Variants in LUZP2 observed in about 807,000 individuals in gnomAD.
The protein encoded by LUZP2 is leucine zipper protein 2.
Under a neutral mutation model 51.6 loss-of-function variants are expected in LUZP2, and 52 were observed. The ratio of observed to expected loss-of-function variants is 1.01; its 90% CI spans 0.81 to 1.27. LUZP2 has a LOEUF of 1.27. LUZP2 is among the 50% of genes most tolerant of loss of function. The probability of loss-of-function intolerance (pLI) is 0.00; values close to 1 mark genes in which losing one functional copy is unlikely to be tolerated. For synonymous variants in LUZP2, 154 were observed against 137.3 expected (o/e 1.12, Z -0.85); for missense variants, 436 against 395.4 (o/e 1.10, Z -0.87).
At chr11:24,537,187 A>G (rs1306887147) in intron 1 of LUZP2, among the ~76,000 whole-genome samples, 1 of 151,944 alleles carries the variant, frequency 6.6e-6, no homozygotes, top group Non-Finnish European at 1.5e-5. Context: ...AATTAACCAA[A>G]GTGTGACACA....
At chr11:24,878,625 AG>A (rs1247870567) in intron 5 of LUZP2, among the ~76,000 whole-genome samples, 1,687 of 151,820 alleles carry the variant, frequency 0.011, 34 homozygotes, top group African/African-American at 0.031. Flanking sequence ...TATCCCTTTT[AG>A]TTTTTATTTT....
intron 1 of LUZP2, among the ~76,000 whole-genome samples, chr11:24,531,222 C>T (rs1355766935): frequency 2.7e-5 from 4 of 150,394 alleles, no homozygotes; most frequent in Non-Finnish European, 6.0e-5. Flanking sequence ...AATGTATATT[C>T]TGGTAATTGA....
chr11:24,856,735 C>T (rs953477723), intron 5 of LUZP2, among the ~76,000 whole-genome samples: 2 of 152,148 alleles, frequency 1.3e-5, no homozygotes, highest in South Asian at 2.1e-4. Context: ...CAATGGAATA[C>T]ATAACTTAAT....
intron 7 of LUZP2, among the ~76,000 whole-genome samples, chr11:24,926,163 G>A (rs1438817818): frequency 6.6e-6 from 1 of 150,536 alleles, no homozygotes; most frequent in East Asian, 2.0e-4. Context: ...AAATCAATAA[G>A]TGCATAAAGG....
At chr11:25,065,637 A>G (rs1183714826) in intron 10 of LUZP2, among the ~76,000 whole-genome samples, 2 of 152,036 alleles carry the variant, frequency 1.3e-5, no homozygotes, top group African/African-American at 2.4e-5. Flanking sequence ...AGCACTTTTT[A>G]TCTGTTTCCA....
intron 5 of LUZP2, chr11:24,891,334 A>G: frequency 1.1e-6 from 1 of 926,242 alleles, no homozygotes; most frequent in Non-Finnish European, 1.3e-6. Context: ...ACATATGGAG[A>G]TATATACATA....
At chr11:24,956,976 A>C (rs1420847865) in intron 7 of LUZP2, among the ~76,000 whole-genome samples, 1 of 152,184 alleles carries the variant, frequency 6.6e-6, no homozygotes, top group Non-Finnish European at 1.5e-5. Context: ...AATATTCCAC[A>C]GAAGTCATAA....
At chr11:24,656,732 T>C (rs541082019) in intron 1 of LUZP2, among the ~76,000 whole-genome samples, 76 of 152,326 alleles carry the variant, frequency 5.0e-4, no homozygotes, top group African/African-American at 1.8e-3. Context: ...AGGCTCCTTT[T>C]CTCCAACTTT....
intron 4 of LUZP2, among the ~76,000 whole-genome samples, chr11:24,753,962 A>G (rs1859683271): frequency 6.6e-6 from 1 of 152,124 alleles, no homozygotes; most frequent in Non-Finnish European, 1.5e-5. Context: ...GTATTGGGGG[A>G]CCAGCCAAGT....
chr11:24,680,341 G>T (rs888346380), intron 1 of LUZP2, among the ~76,000 whole-genome samples: 30 of 152,114 alleles, frequency 2.0e-4, no homozygotes, highest in African/African-American at 7.2e-4. Context: ...TGTCAGAAGG[G>T]TTTTACATTT....
chr11:24,541,315 C>G (rs1477011629), intron 1 of LUZP2, among the ~76,000 whole-genome samples: 1 of 150,792 alleles, frequency 6.6e-6, no homozygotes, highest in Non-Finnish European at 1.5e-5. Context: ...GCTTCTTCAG[C>G]CCAAAGGATT....
chr11:25,057,046 G>A (rs1858709486), intron 10 of LUZP2, among the ~76,000 whole-genome samples: 1 of 152,146 alleles, frequency 6.6e-6, no homozygotes, highest in Non-Finnish European at 1.5e-5. Flanking sequence ...GTTGCAGTCA[G>A]CTGAGATCGT....
At chr11:24,772,048 G>A (rs11028158) in intron 5 of LUZP2, among the ~76,000 whole-genome samples, 2 of 152,076 alleles carry the variant, frequency 1.3e-5, no homozygotes, top group African/African-American at 4.8e-5. Flanking sequence ...TCATAGGAAT[G>A]CTTAAAGACC....
intron 7 of LUZP2, among the ~76,000 whole-genome samples, chr11:24,933,469 G>T (rs1430399050): frequency 6.6e-6 from 1 of 152,052 alleles, no homozygotes; most frequent in African/African-American, 2.4e-5. Context: ...TCCTGACCAG[G>T]TTTATTCATT....
chr11:24,946,611 AG>A (rs2063320341), intron 7 of LUZP2, among the ~76,000 whole-genome samples: 1 of 151,894 alleles, frequency 6.6e-6, no homozygotes, highest in Non-Finnish European at 1.5e-5. Context: ...ATACCTATAT[AG>A]CTCCTTTGCC....
intron 1 of LUZP2, among the ~76,000 whole-genome samples, chr11:24,585,103 C>CTTAG (rs771251443): frequency 2.0e-5 from 3 of 152,148 alleles, no homozygotes; most frequent in African/African-American, 4.8e-5. Context: ...ACATGGAACA[C>CTTAG]TTAGATGTTC....
At chr11:24,922,888 G>T (rs1330988681) in intron 7 of LUZP2, among the ~76,000 whole-genome samples, 3 of 121,476 alleles carry the variant, frequency 2.5e-5, no homozygotes, top group Non-Finnish European at 4.8e-5. Flanking sequence ...TCGCTCCATT[G>T]CCCAGGCTGG....
chr11:24,844,872 A>G (rs1851149694), intron 5 of LUZP2, among the ~76,000 whole-genome samples: 1 of 152,182 alleles, frequency 6.6e-6, no homozygotes, highest in Admixed American at 6.5e-5. Context: ...GGGTTTGGGA[A>G]CCTCTGTCTA....
chr11:25,061,523 C>T (rs181043010), intron 10 of LUZP2, among the ~76,000 whole-genome samples: 3 of 152,192 alleles, frequency 2.0e-5, no homozygotes, highest in East Asian at 1.9e-4. Context: ...ATGGGTGAAC[C>T]GCATAGTGAA....
Sources: gnomAD v4.1 joint callset for allele counts (sites outside exome capture counted in the v4.1 genomes callset) on GRCh38, gnomAD v4.1.1 for gene constraint, MANE v1.5 for transcripts, NCBI Gene and HGNC (gene_info 2026-07-23, HGNC 2026-07-21) for gene names.